The following ADARB2 variants were observed in gnomAD, a reference collection of about 807,000 sequenced individuals.
ADARB2 encodes inactive double-stranded RNA-specific editase B2.
ADARB2 carries 25 observed loss-of-function variants against 62.2 expected under a neutral mutation model. The ratio of observed to expected loss-of-function variants is 0.40; its 90% confidence interval spans 0.29 to 0.56. The LOEUF (loss-of-function observed/expected upper bound fraction) is 0.56. Among genes scored for constraint, ADARB2 ranks in the 20% least tolerant of loss-of-function variants. The pLI, the probability that ADARB2 is intolerant of heterozygous loss-of-function variation, is 0.43. For missense variants in ADARB2, 1,071 were observed against 1,077.4 expected, an observed-to-expected ratio of 0.99 and a Z score of 0.08; for synonymous variants, 572 against 500.8, an observed-to-expected ratio of 1.14 and a Z score of -1.90.
intron 1 of ADARB2, among the ~76,000 whole-genome samples, chr10:1,453,122 C>G (rs373490162): frequency 6.6e-6 from 1 of 152,208 alleles, no homozygotes; most frequent in East Asian, 1.9e-4. Context: ...TTCCCTCCCC[C>G]ACGTCTGCAA....
At chr10:1,208,670 T>C (rs753552310) in intron 7 of ADARB2, among the ~76,000 whole-genome samples, 18 of 152,244 alleles carry the variant, frequency 1.2e-4, no homozygotes, top group Non-Finnish European at 4.4e-5. Flanking sequence ...TCCTCTGGGC[T>C]GGTCTTAGCC....
chr10:1,683,527 C>T (rs866414292), intron 1 of ADARB2, among the ~76,000 whole-genome samples: 2 of 152,084 alleles, frequency 1.3e-5, no homozygotes, highest in Admixed American at 6.6e-5. Context: ...TCAAGGGGTC[C>T]GAAGCAGGGA....
intron 4 of ADARB2, among the ~76,000 whole-genome samples, chr10:1,257,448 C>T (rs1831089940): frequency 6.6e-6 from 1 of 152,240 alleles, no homozygotes; most frequent in Admixed American, 6.5e-5. Flanking sequence ...CCCCACTTCC[C>T]TTCCTCTTCA....
chr10:1,473,639 C>T (rs1831356834), intron 1 of ADARB2, among the ~76,000 whole-genome samples: 1 of 152,186 alleles, frequency 6.6e-6, no homozygotes, highest in South Asian at 2.1e-4. Context: ...GCCTTGGCCT[C>T]CCAAAGTGTT....
chr10:1,572,177 G>A (rs2131993636), intron 1 of ADARB2, among the ~76,000 whole-genome samples: 1 of 150,282 alleles, frequency 6.7e-6, no homozygotes, highest in South Asian at 2.1e-4. Flanking sequence ...GTGTGCAGGC[G>A]AGTAGGCAGG....
At chr10:1,628,840 T>C (rs1588329829) in intron 1 of ADARB2, among the ~76,000 whole-genome samples, 1 of 152,252 alleles carries the variant, frequency 6.6e-6, no homozygotes, top group Non-Finnish European at 1.5e-5. Flanking sequence ...GGCCAGGCCC[T>C]GGTCCCACTT....
chr10:1,694,143 G>A (rs953294225), intron 1 of ADARB2, among the ~76,000 whole-genome samples: 25 of 152,172 alleles, frequency 1.6e-4, no homozygotes, highest in Non-Finnish European at 1.0e-4. Context: ...TATTAGAGCA[G>A]TTATTATTTT....
At position 1,241,234 on chromosome 10, in the gene ADARB2, G is replaced by A. The variant is rs573095725; in HGVS notation, c.1361+897C>T. The stretch of plus-strand genomic sequence containing the variant: ...AGATAATGCCATTGCACTCCAGCCT[G>A]GGCGACAGAGCAAGACTCCATCTCA... On this transcript the variant is annotated intron_variant, in intron 5 of 9. Coordinates refer to ENST00000381312, the MANE Select transcript of ADARB2 (RefSeq NM_018702.4). Among the ~76,000 whole-genome samples the A allele has an allele frequency of 2.0e-5, 3 of 152,198 alleles. No individual in the cohort carries two copies. The East Asian group carries it at 5.8e-4, about 29-fold the overall frequency.
intron 1 of ADARB2, chr10:1,675,312 C>A (rs1374107734): frequency 2.2e-6 from 2 of 929,616 alleles, no homozygotes; most frequent in Admixed American, 9.3e-5. Context: ...GGTTTGGGTT[C>A]GGGGATGCAT....
At chr10:1,256,769 C>T (rs892200014) in intron 4 of ADARB2, among the ~76,000 whole-genome samples, 5 of 152,112 alleles carry the variant, frequency 3.3e-5, no homozygotes, top group Admixed American at 6.5e-5. Flanking sequence ...TGACAACAAA[C>T]GCTTTGCAAT....
rs776243733 is a variant in ADARB2 at position 1,389,274 on chromosome 10, G to GA, written c.101-10115dup. On this transcript the variant is annotated intron_variant, in intron 1 of 9. Coordinates refer to ENST00000381312, the MANE Select transcript of ADARB2 (RefSeq NM_018702.4). ...GAGATAGAAAGCACTAACTACAAAA[G>GA]AAAAAAATGACAAATTAGTTTTCAT... Among the ~76,000 whole-genome samples the GA allele has an allele frequency of 1.5e-4, 23 of 151,934 alleles. 1 individual carries two copies. Among genetic ancestry groups the GA allele is most frequent in the African/African-American group, 7.2e-5 (3 of 41,472 alleles).
At chr10:1,202,831 G>A (rs549662546) in intron 7 of ADARB2, among the ~76,000 whole-genome samples, 3 of 152,322 alleles carry the variant, frequency 2.0e-5, no homozygotes, top group African/African-American at 4.8e-5. Context: ...TGGAAGAGAC[G>A]CCTCCGTGTT....
rs553274498 is a variant in ADARB2, at chr10:1,562,467, GACA to G, written c.100+174581_100+174583del. Among the ~76,000 whole-genome samples, 89 of 152,276 alleles carry G rather than the reference GACA, an allele frequency of 5.8e-4. 2 individuals are homozygous for G. In the South Asian group the frequency reaches 0.018, roughly 30 times the overall value. On this transcript the variant is annotated intron_variant, in intron 1 of 9. Transcript: ENST00000381312. The stretch of plus-strand genomic sequence containing the variant: ...TTCTGAACCTGCTCCTCAAGTGTCA[GACA>G]ACAAAATCTAGCCTGTCAGGTATAT...
intron 1 of ADARB2, among the ~76,000 whole-genome samples, chr10:1,687,573 G>A (rs1331445118): frequency 6.6e-6 from 1 of 151,208 alleles, no homozygotes; most frequent in Non-Finnish European, 1.5e-5. Context: ...TTTTATAAGA[G>A]ATTAAAGTTA....
chr10:1,653,287 G>T (rs1415600104), intron 1 of ADARB2, among the ~76,000 whole-genome samples: 1 of 152,226 alleles, frequency 6.6e-6, no homozygotes, highest in Non-Finnish European at 1.5e-5. Context: ...GACTTGGGGA[G>T]ACAGCATGGA....
intron 1 of ADARB2, among the ~76,000 whole-genome samples, chr10:1,672,998 C>T (rs891996041): frequency 1.3e-5 from 2 of 152,192 alleles, no homozygotes; most frequent in Non-Finnish European, 2.9e-5. Context: ...GAGACACCAA[C>T]AGCCCGGAGG....
chr10:1,367,097 C>T (rs957783060), intron 2 of ADARB2, among the ~76,000 whole-genome samples: 3 of 149,526 alleles, frequency 2.0e-5, no homozygotes, highest in Non-Finnish European at 3.0e-5. Flanking sequence ...TAAAAACATA[C>T]ATTTCATAGG....
intron 1 of ADARB2, among the ~76,000 whole-genome samples, chr10:1,406,024 C>G (rs901303715): frequency 3.3e-5 from 5 of 152,278 alleles, no homozygotes; most frequent in East Asian, 1.9e-4. Context: ...TTTATTAAAC[C>G]CTTCGCCAAG....
chr10:1,561,008 C>T (rs190765832), intron 1 of ADARB2, among the ~76,000 whole-genome samples: 1 of 152,158 alleles, frequency 6.6e-6, no homozygotes, highest in African/African-American at 2.4e-5. Flanking sequence ...CCTCACTCAC[C>T]GTCCAACAGA....
Sources: gnomAD v4.1 joint callset for allele counts (sites outside exome capture counted in the v4.1 genomes callset) on GRCh38, gnomAD v4.1.1 for gene constraint, MANE v1.5 for transcripts, NCBI Gene and HGNC (gene_info 2026-07-23, HGNC 2026-07-21) for gene names.